ELF2: variants seen among roughly 807,000 people sequenced by gnomAD.
ELF2 encodes the protein E74 like ETS transcription factor 2.
A neutral mutation model predicts 54.8 loss-of-function variants in ELF2; 11 were observed. The observed-to-expected ratio is 0.20, with a 90% CI of 0.13 to 0.33. The LOEUF (loss-of-function observed/expected upper bound fraction) is 0.33, where lower values mean the gene tolerates loss of function less well. Among genes scored for constraint, ELF2 ranks in the 10% least tolerant of loss-of-function variants. The pLI is 1.00. For missense variants in ELF2, 513 were observed against 703.0 expected (o/e 0.73, Z 3.06); for synonymous variants, 203 against 245.1 (o/e 0.83, Z 1.61).
intron 1 of ELF2, among the ~76,000 whole-genome samples, chr4:139,149,118 C>T (rs182465206): frequency 8.3e-4 from 126 of 152,054 alleles, no homozygotes; most frequent in Middle Eastern, 3.4e-3. Context: ...CTAACCAATT[C>T]GGTAAGAAAA....
Position 139,060,684 on chromosome 4 carries a change from G to A in ELF2, c.807-10C>T. 1 of 1,562,980 alleles carries A rather than the reference G, an allele frequency of 6.4e-7. No individual in the cohort carries two copies. Among genetic ancestry groups the A allele is most frequent in the Middle Eastern group, 2.4e-4 (1 of 4,248 alleles). On this transcript the variant is annotated splice_polypyrimidine_tract_variant and intron_variant, in intron 8 of 9. Transcript: ENST00000686138. ...CCTTTGGTAGTAGTATCTGTAAGGG[G>A]AAAATGTACCAAATGAATCAAGTAT...
chr4:139,172,720 G>A (rs888965087), intron 1 of ELF2, among the ~76,000 whole-genome samples: 1 of 152,096 alleles, frequency 6.6e-6, no homozygotes, highest in Non-Finnish European at 1.5e-5. Flanking sequence ...GCATATTGTT[G>A]TAACTATTCT....
At chr4:139,066,156 A>C (rs1203439122) in intron 7 of ELF2, 1 of 151,942 alleles carries the variant, frequency 6.6e-6, no homozygotes, top group African/African-American at 2.4e-5. Flanking sequence ...GGACAGAATA[A>C]ATTTAAATAT....
At chr4:139,088,858 A>G (rs1181694426) in intron 4 of ELF2, among the ~76,000 whole-genome samples, 3 of 152,060 alleles carry the variant, frequency 2.0e-5, no homozygotes, top group African/African-American at 7.2e-5. Context: ...TCCCAGGTTC[A>G]AGCGAGTCTC....
At chr4:139,064,590 T>C (rs1728399740) in intron 7 of ELF2, among the ~76,000 whole-genome samples, 1 of 152,064 alleles carries the variant, frequency 6.6e-6, no homozygotes, top group Non-Finnish European at 1.5e-5. Context: ...CTGAAAAAGC[T>C]GACCTTCGGC....
At chr4:139,123,736 G>C (rs939319453) in intron 4 of ELF2, among the ~76,000 whole-genome samples, 1 of 151,942 alleles carries the variant, frequency 6.6e-6, no homozygotes, top group Admixed American at 6.6e-5. Flanking sequence ...TTTCAAACAG[G>C]TTCTACTTTT....
intron 1 of ELF2, among the ~76,000 whole-genome samples, chr4:139,141,979 C>T (rs1433914300): frequency 1.3e-5 from 2 of 152,176 alleles, no homozygotes; most frequent in Non-Finnish European, 2.9e-5. Context: ...TTCATTAATT[C>T]AATCACACAA....
chr4:139,133,897 G>A (rs4863494), intron 3 of ELF2, among the ~76,000 whole-genome samples: 97 of 152,250 alleles, frequency 6.4e-4, no homozygotes, highest in Middle Eastern at 3.4e-3. Flanking sequence ...AGTTCTAATA[G>A]TGTGGATTTC....
intron 1 of ELF2, among the ~76,000 whole-genome samples, chr4:139,174,324 G>A (rs1045491810): frequency 3.3e-5 from 5 of 151,648 alleles, no homozygotes; most frequent in Non-Finnish European, 7.4e-5. Flanking sequence ...AAAGAAGCCA[G>A]TCACAAAAGA....
At chr4:139,168,357 T>C (rs1741928620) in intron 1 of ELF2, among the ~76,000 whole-genome samples, 1 of 152,254 alleles carries the variant, frequency 6.6e-6, no homozygotes, top group African/African-American at 2.4e-5. Flanking sequence ...AATTTTACTT[T>C]GTATTTTCCT....
Position 139,116,101 on chromosome 4 carries a change from C to G in ELF2, c.238+9063G>C, listed in dbSNP as rs139572035. 7.7e-4 allele frequency among the ~76,000 whole-genome samples: 118 copies of G among 152,328 alleles called. No homozygotes were observed. In the East Asian group the frequency reaches 0.013, roughly 17 times the overall value. On this transcript the variant is annotated intron_variant, in intron 4 of 9. Transcript: ENST00000686138. ...TCGGCTTCCCAAAGTGCTGGGATTACAGGCTTGAGCCACTATACCTGGCTG... is the reference window on the plus strand; with the variant it reads ...TCGGCTTCCCAAAGTGCTGGGATTAGAGGCTTGAGCCACTATACCTGGCTG...
chr4:139,097,607 ACT>A (rs1368675875), intron 4 of ELF2, among the ~76,000 whole-genome samples: 2 of 147,302 alleles, frequency 1.4e-5, no homozygotes, highest in Non-Finnish European at 3.0e-5. Context: ...ACGGAGCAAG[ACT>A]CTGTCTCAAA....
chr4:139,122,730 T>C (rs1239469858), intron 4 of ELF2, among the ~76,000 whole-genome samples: 1 of 151,854 alleles, frequency 6.6e-6, no homozygotes, highest in Non-Finnish European at 1.5e-5. Flanking sequence ...CTCGATCTCT[T>C]GACTTCGTGA....
intron 3 of ELF2, among the ~76,000 whole-genome samples, chr4:139,134,387 T>C (rs1737879090): frequency 6.6e-6 from 1 of 151,770 alleles, no homozygotes; most frequent in Non-Finnish European, 1.5e-5. Context: ...TTGTTTTTGT[T>C]TGTTTGTCAC....
chr4:139,090,083 T>C (rs1732415850), intron 4 of ELF2, among the ~76,000 whole-genome samples: 1 of 152,178 alleles, frequency 6.6e-6, no homozygotes, highest in Non-Finnish European at 1.5e-5. Context: ...TCATATTCCA[T>C]GCCTGGCTAA....
At chr4:139,165,555 C>T (rs1741632622) in intron 1 of ELF2, among the ~76,000 whole-genome samples, 1 of 151,750 alleles carries the variant, frequency 6.6e-6, no homozygotes, top group African/African-American at 2.4e-5. Context: ...CCCAGCTACC[C>T]GGGAGGCTGA....
At chr4:139,121,993 C>G (rs1736399026) in intron 4 of ELF2, among the ~76,000 whole-genome samples, 2 of 152,118 alleles carry the variant, frequency 1.3e-5, no homozygotes, top group Non-Finnish European at 1.5e-5. Flanking sequence ...ACATGCAAAT[C>G]ATAATATGAT....
At chr4:139,078,241 C>T (rs770332463) in intron 4 of ELF2, among the ~76,000 whole-genome samples, 1 of 151,868 alleles carries the variant, frequency 6.6e-6, no homozygotes, top group Non-Finnish European at 1.5e-5. Flanking sequence ...GTTCTCAAGT[C>T]AAAAATAAAA....
chr4:139,087,697 C>T (rs1732131824), intron 4 of ELF2, among the ~76,000 whole-genome samples: 1 of 152,126 alleles, frequency 6.6e-6, no homozygotes, highest in South Asian at 2.1e-4. Context: ...GATATCCTGA[C>T]CTCGTGATCC....
Sources: gnomAD v4.1 joint callset for allele counts (sites outside exome capture counted in the v4.1 genomes callset) on GRCh38, gnomAD v4.1.1 for gene constraint, MANE v1.5 for transcripts, NCBI Gene and HGNC (gene_info 2026-07-23, HGNC 2026-07-21) for gene names.